Variants in WWC2 observed in about 807,000 individuals in gnomAD.
WWC2 encodes protein WWC2.
Under a neutral mutation model 138.5 loss-of-function variants are expected in WWC2, and 101 were observed. The ratio of observed to expected loss-of-function variants is 0.73; its 90% CI spans 0.62 to 0.86. The LOEUF is 0.86. Among genes scored for constraint, WWC2 ranks in the 40% least tolerant of loss-of-function variants. WWC2 has a pLI of 0.00. For missense variants in WWC2, 1,420 were observed against 1,419.4 expected, an observed-to-expected ratio of 1.00 and a Z score of -0.01; for synonymous variants, 558 against 538.4, an observed-to-expected ratio of 1.04 and a Z score of -0.50.
intron 7 of WWC2, 27 bp from the exon 8 acceptor site, chr4:183,249,893 C>CT (rs1407733270): frequency 6.3e-7 from 1 of 1,597,146 alleles, no homozygotes; most frequent in African/African-American, 1.3e-5. Flanking sequence ...AGTTAATTGA[C>CT]TTTTTTCCTT....
chr4:183,180,258 G>A (rs924742476), intron 1 of WWC2, among the ~76,000 whole-genome samples: 2 of 152,164 alleles, frequency 1.3e-5, no homozygotes, highest in Non-Finnish European at 2.9e-5. Context: ...TTTTTCAGTA[G>A]TTGGTGTCAT....
chr4:183,169,339 G>A (rs1453933488), intron 1 of WWC2, among the ~76,000 whole-genome samples: 1 of 152,208 alleles, frequency 6.6e-6, no homozygotes, highest in Non-Finnish European at 1.5e-5. Context: ...TGACTGACAA[G>A]TACGCTTCAT....
chr4:183,275,999 T>C (rs1384547573), intron 16 of WWC2, among the ~76,000 whole-genome samples: 1 of 152,148 alleles, frequency 6.6e-6, no homozygotes, highest in Non-Finnish European at 1.5e-5. Flanking sequence ...GTAAAGTAAA[T>C]TTAGCATTTA....
At chr4:183,179,583 AAGGATG>A (rs756504914) in intron 1 of WWC2, among the ~76,000 whole-genome samples, 12 of 152,088 alleles carry the variant, frequency 7.9e-5, no homozygotes, top group Non-Finnish European at 1.5e-4. Context: ...GGGGGCCATC[AAGGATG>A]ACCGCCTCCC....
chr4:183,186,664 A>G (rs1734811663), intron 1 of WWC2, among the ~76,000 whole-genome samples: 1 of 152,170 alleles, frequency 6.6e-6, no homozygotes, highest in Non-Finnish European at 1.5e-5. Context: ...GGGTAAGGGC[A>G]GGAGACTGGC....
chr4:183,209,169 T>G (rs1178524041), intron 4 of WWC2, 144 bp downstream of exon 4: 7 of 595,874 alleles, frequency 1.2e-5, no homozygotes, highest in Non-Finnish European at 9.0e-6. Flanking sequence ...CCTTCTACCT[T>G]GATGTGAACA....
chr4:183,112,623 G>A (rs1343229831), intron 1 of WWC2, among the ~76,000 whole-genome samples: 2 of 152,206 alleles, frequency 1.3e-5, no homozygotes, highest in Admixed American at 6.5e-5. Flanking sequence ...CGGGGACACG[G>A]TGTTGAATGA....
intron 1 of WWC2, among the ~76,000 whole-genome samples, chr4:183,112,745 T>C (rs1732274585): frequency 6.6e-6 from 1 of 152,130 alleles, no homozygotes; most frequent in Admixed American, 6.5e-5. Context: ...GATGAAGTGA[T>C]AATAGTGTCG....
chr4:183,274,277 A>C (rs572269638), intron 16 of WWC2, among the ~76,000 whole-genome samples: 2 of 152,304 alleles, frequency 1.3e-5, no homozygotes, highest in South Asian at 4.1e-4. Flanking sequence ...CAAGATTTTC[A>C]TGGGGGTAGA....
rs144004924 is a variant in WWC2, at chr4:183,267,142, C to T, written c.2207+1191C>T. 8.3e-3 allele frequency among the ~76,000 whole-genome samples: 1,258 copies of T among 151,918 alleles called. 24 individuals carry two copies. The highest frequency in any genetic ancestry group is 0.029 in the African/African-American group (1,201 of 41,430). On this transcript the variant is annotated intron_variant, in intron 14 of 22. Transcript: ENST00000403733. ...AAAGTGCTGGGATTACAGGCGTGAG[C>T]CACCGAGCCCAGCCAAGATAGTAGA...
chr4:183,227,329 A>G (rs989305081), intron 4 of WWC2, among the ~76,000 whole-genome samples: 3 of 152,080 alleles, frequency 2.0e-5, no homozygotes, highest in Non-Finnish European at 4.4e-5. Context: ...TTGTGCCTCC[A>G]GTCACTTGCA....
intron 7 of WWC2, 80 bp from the exon 8 acceptor site, chr4:183,249,840 A>G (rs2111333469): frequency 8.5e-7 from 1 of 1,176,406 alleles, no homozygotes; most frequent in East Asian, 2.5e-5. Context: ...TCAATTACAC[A>G]TACTTCCCAG....
At chr4:183,111,679 A>T (rs1579947177) in intron 1 of WWC2, among the ~76,000 whole-genome samples, 1 of 150,240 alleles carries the variant, frequency 6.7e-6, no homozygotes, top group African/African-American at 2.4e-5. Flanking sequence ...ATAAAAACAG[A>T]TCATTTACTT....
intron 2 of WWC2, among the ~76,000 whole-genome samples, chr4:183,199,526 A>G (rs1735245977): frequency 6.6e-6 from 1 of 152,182 alleles, no homozygotes; most frequent in Non-Finnish European, 1.5e-5. Context: ...TATTTTTCCA[A>G]ACCCTGTAGT....
chr4:183,229,057 G>A (rs1043146094), intron 4 of WWC2, among the ~76,000 whole-genome samples: 22 of 152,074 alleles, frequency 1.4e-4, no homozygotes, highest in Non-Finnish European at 2.5e-4. Context: ...TTAGGGAAAA[G>A]GGAAGGTTTA....
At chr4:183,137,277 T>C (rs1475941814) in intron 1 of WWC2, among the ~76,000 whole-genome samples, 2 of 152,234 alleles carry the variant, frequency 1.3e-5, no homozygotes, top group Non-Finnish European at 2.9e-5. Flanking sequence ...TTTTTGACTT[T>C]TTTTAAATAA....
intron 21 of WWC2, among the ~76,000 whole-genome samples, chr4:183,295,965 G>T (rs1738619423): frequency 6.6e-6 from 1 of 152,242 alleles, no homozygotes; most frequent in Admixed American, 6.5e-5. Flanking sequence ...CTGTCATTCA[G>T]TGCAACCAAG....
Position 183,268,151 on chromosome 4 carries a change from C to T in WWC2, c.2208-820C>T, listed in dbSNP as rs145362808. ...TGCATTTGAATTACAGTTTTTCTAA[C>T]GGAGAAAGGCATGTTTTAGAATCTA... On this transcript the variant is annotated intron_variant, in intron 14 of 22. Coordinates refer to ENST00000403733, the MANE Select transcript of WWC2 (RefSeq NM_024949.6). Among the ~76,000 whole-genome samples, 1,518 of 152,088 alleles carry T rather than the reference C, an allele frequency of 1.0e-2. 29 individuals are homozygous for T. Among genetic ancestry groups the T allele is most frequent in the African/African-American group, 0.034 (1,400 of 41,468 alleles).
intron 2 of WWC2, among the ~76,000 whole-genome samples, chr4:183,202,129 G>T (rs1735317462): frequency 6.6e-6 from 1 of 152,090 alleles, no homozygotes; most frequent in Admixed American, 6.6e-5. Context: ...GATTGGCTAG[G>T]TTGAATAATT....
Sources: allele counts gnomAD v4.1 joint callset (sites outside exome capture counted in the v4.1 genomes callset), GRCh38; gene constraint gnomAD v4.1.1; transcripts MANE v1.5; gene names NCBI Gene and HGNC (gene_info 2026-07-23, HGNC 2026-07-21).